Variants in ROR1 observed in about 807,000 individuals in gnomAD.
ROR1 encodes inactive tyrosine-protein kinase transmembrane receptor ROR1.
Under a neutral mutation model 78.8 loss-of-function variants are expected in ROR1, and 19 were observed. The observed-to-expected ratio is 0.24, with a 90% CI of 0.17 to 0.35. The LOEUF (loss-of-function observed/expected upper bound fraction) is 0.35, where lower values mean the gene tolerates loss of function less well. Among genes scored for constraint, ROR1 ranks in the 10% least tolerant of loss-of-function variants. The probability of loss-of-function intolerance (pLI) is 1.00; values close to 1 mark genes in which losing one functional copy is unlikely to be tolerated. For missense variants in ROR1, 917 were observed against 1,177.8 expected, an observed-to-expected ratio of 0.78 and a Z score of 3.24; for synonymous variants, 386 against 433.6, an observed-to-expected ratio of 0.89 and a Z score of 1.36.
At chr1:63,843,439 G>T in intron 1 of ROR1, 1 of 739,316 alleles carries the variant, frequency 1.4e-6, no homozygotes, top group Non-Finnish European at 2.5e-6. Flanking sequence ...GTGTCACAGA[G>T]GGTGTAGTGG....
intron 2 of ROR1, among the ~76,000 whole-genome samples, chr1:64,024,676 A>T (rs1316651799): frequency 6.6e-6 from 1 of 152,192 alleles, no homozygotes; most frequent in Non-Finnish European, 1.5e-5. Flanking sequence ...GGTACCTACT[A>T]CACAGTGTTC....
At chr1:64,106,469 T>C (rs1647815627) in intron 4 of ROR1, 1 of 152,188 alleles carries the variant, frequency 6.6e-6, no homozygotes, top group Non-Finnish European at 1.5e-5. Flanking sequence ...CTTGCCCGAT[T>C]GCCCTGGCCA....
intron 4 of ROR1, among the ~76,000 whole-genome samples, chr1:64,079,300 C>G (rs1476017090): frequency 2.0e-5 from 3 of 152,106 alleles, no homozygotes. Flanking sequence ...AATCATCTGC[C>G]AAGGATGTTG....
At chr1:63,992,605 T>G (rs1402694774) in intron 1 of ROR1, among the ~76,000 whole-genome samples, 1 of 152,224 alleles carries the variant, frequency 6.6e-6, no homozygotes, top group Non-Finnish European at 1.5e-5. Flanking sequence ...TACTGGTAGT[T>G]TAAACAGAAG....
At chr1:63,913,826 C>T (rs1317958147) in intron 1 of ROR1, among the ~76,000 whole-genome samples, 1 of 152,192 alleles carries the variant, frequency 6.6e-6, no homozygotes, top group Non-Finnish European at 1.5e-5. Context: ...GTGATTCGCA[C>T]TGGAGGTTTT....
intron 2 of ROR1, among the ~76,000 whole-genome samples, chr1:64,026,759 T>C (rs575641606): frequency 6.6e-6 from 1 of 152,104 alleles, no homozygotes; most frequent in African/African-American, 2.4e-5. Context: ...TATAAAACCA[T>C]CAGATCTCAT....
intron 3 of ROR1, 80 bp downstream of exon 3, chr1:64,050,058 G>A (rs1646816536): frequency 6.8e-7 from 1 of 1,462,192 alleles, no homozygotes; most frequent in African/African-American, 1.4e-5. Flanking sequence ...GGGACAGGAA[G>A]GAAGGAATGC....
chr1:64,160,626 A>T (rs942476365), intron 8 of ROR1, among the ~76,000 whole-genome samples: 6 of 152,292 alleles, frequency 3.9e-5, no homozygotes, highest in Non-Finnish European at 5.9e-5. Flanking sequence ...ATCACATTTA[A>T]TCCTTACTAC....
intron 1 of ROR1, among the ~76,000 whole-genome samples, chr1:63,816,186 C>T (rs1221258367): frequency 6.6e-6 from 1 of 152,080 alleles, no homozygotes; most frequent in African/African-American, 2.4e-5. Flanking sequence ...TGTTACTAGC[C>T]CCTTGAAGGA....
At chr1:63,884,574 A>AG in intron 1 of ROR1, among the ~76,000 whole-genome samples, 1 of 152,306 alleles carries the variant, frequency 6.6e-6, no homozygotes, top group South Asian at 2.1e-4. Flanking sequence ...TTCATAAACC[A>AG]GGGATCCTTT....
chr1:63,825,139 TA>T (rs747872918), intron 1 of ROR1, among the ~76,000 whole-genome samples: 13 of 152,296 alleles, frequency 8.5e-5, no homozygotes, highest in Non-Finnish European at 1.6e-4. Context: ...CTTTAAAAAT[TA>T]AACTTAGCAT....
rs1453736096 is a variant in ROR1 at position 64,158,988 on chromosome 1, G to A, written c.1182G>A (p.Lys394=). Residue 394 remains lysine (K), a synonymous_variant, in exon 8 of 9, where the codon AAG becomes AAA. Transcript: ENST00000371079. ...TTTCATTTCTGCACCCAGATTCAAA[G>A]GATTCCAAGGAGAAGAATAAAATGG... The part of the protein sequence containing the change: ...DLCDIPACDS[K]DSKEKNKMEI... 3 of 1,613,660 alleles carry A rather than the reference G, an allele frequency of 1.9e-6. No individual in the cohort carries two copies. Among genetic ancestry groups the A allele is most frequent in the East Asian group, 2.2e-5 (1 of 44,874 alleles).
At chr1:63,785,498 TTTATTTA>T (rs1281029020) in intron 1 of ROR1, among the ~76,000 whole-genome samples, 1 of 64,864 alleles carries the variant, frequency 1.5e-5, no homozygotes. Flanking sequence ...ATATATATAT[TTTATTTA>T]TTTATTTATT....
At chr1:64,073,219 G>C (rs1003161121) in intron 4 of ROR1, among the ~76,000 whole-genome samples, 1 of 152,182 alleles carries the variant, frequency 6.6e-6, no homozygotes, top group Non-Finnish European at 1.5e-5. Context: ...TGGGCTAAGA[G>C]AGTGGAAGGT....
At chr1:63,889,856 A>G (rs1645382332) in intron 1 of ROR1, among the ~76,000 whole-genome samples, 1 of 152,196 alleles carries the variant, frequency 6.6e-6, no homozygotes, top group Admixed American at 6.5e-5. Flanking sequence ...TCTCTTCTAG[A>G]GTAAATGTGG....
Position 64,044,738 on chromosome 1 carries a change from A to C in ROR1, c.164-4953A>C, listed in dbSNP as rs368017964. Among the ~76,000 whole-genome samples, 12 of 152,314 alleles carry C rather than the reference A, an allele frequency of 7.9e-5. 1 individual carries two copies. The highest frequency in any genetic ancestry group is 1.4e-4 in the African/African-American group (6 of 41,576). On this transcript the variant is annotated intron_variant, in intron 2 of 8. Coordinates refer to ENST00000371079, the MANE Select transcript of ROR1 (RefSeq NM_005012.4). The stretch of plus-strand genomic sequence containing the variant: ...GGTTAGTTATTCTTGAATATTCTTT[A>C]AAATGAGGAAAATGAACCTGCCGCT...
intron 1 of ROR1, among the ~76,000 whole-genome samples, chr1:63,793,477 T>C (rs750795477): frequency 1.3e-5 from 2 of 152,202 alleles, no homozygotes; most frequent in African/African-American, 2.4e-5. Context: ...TACCAAAATA[T>C]CACATGTGCT....
intron 1 of ROR1, among the ~76,000 whole-genome samples, chr1:63,917,775 T>G (rs855817): frequency 0.86 from 130,949 of 152,152 alleles, 56,724 homozygotes; most frequent in East Asian, 0.99. Flanking sequence ...GGGAAAGTAT[T>G]GGACAGTTAA....
intron 1 of ROR1, among the ~76,000 whole-genome samples, chr1:63,842,655 A>G (rs1645056015): frequency 6.6e-6 from 1 of 152,050 alleles, no homozygotes; most frequent in Admixed American, 6.5e-5. Context: ...CAACAAATAT[A>G]TCTTGCATCT....
Sources: gnomAD v4.1 joint callset for allele counts (sites outside exome capture counted in the v4.1 genomes callset) on GRCh38, gnomAD v4.1.1 for gene constraint, MANE v1.5 for transcripts, NCBI Gene and HGNC (gene_info 2026-07-23, HGNC 2026-07-21) for gene names.